The following CAMTA1 variants were observed in gnomAD, a reference collection of about 807,000 sequenced individuals.
CAMTA1 encodes calmodulin-binding transcription activator 1.
CAMTA1 carries 27 observed loss-of-function variants against 170.9 expected under a neutral mutation model. The ratio of observed to expected loss-of-function variants is 0.16; its 90% CI spans 0.12 to 0.22. The LOEUF (loss-of-function observed/expected upper bound fraction) is 0.22, where lower values mean the gene tolerates loss of function less well. CAMTA1 is among the 10% of genes least tolerant of loss of function. The pLI, the probability that CAMTA1 is intolerant of heterozygous loss-of-function variation, is 1.00. For synonymous variants in CAMTA1, 833 were observed against 891.5 expected, an observed-to-expected ratio of 0.93 and a Z score of 1.17; for missense variants, 1,619 against 2,217.2, an observed-to-expected ratio of 0.73 and a Z score of 5.42.
At chr1:6,909,163 A>G (rs1017530333) in intron 3 of CAMTA1, among the ~76,000 whole-genome samples, 2 of 152,200 alleles carry the variant, frequency 1.3e-5, no homozygotes, top group Non-Finnish European at 2.9e-5. Context: ...AACTCAATTT[A>G]TTTGTCTGCT....
chr1:7,021,737 A>T (rs1268181909), intron 3 of CAMTA1, among the ~76,000 whole-genome samples: 1 of 152,182 alleles, frequency 6.6e-6, no homozygotes, highest in Admixed American at 6.5e-5. Context: ...AGCTATATTT[A>T]AAATCCCCCA....
chr1:7,271,059 A>G (rs1433063365), intron 5 of CAMTA1, among the ~76,000 whole-genome samples: 1 of 152,126 alleles, frequency 6.6e-6, no homozygotes. Context: ...TATCCCCCCA[A>G]TTTTTACATG....
At chr1:7,745,317 A>G (rs2096849421) in intron 17 of CAMTA1, among the ~76,000 whole-genome samples, 1 of 152,196 alleles carries the variant, frequency 6.6e-6, no homozygotes. Flanking sequence ...ACCTGAGGTC[A>G]GGAGTTTGAG....
intron 6 of CAMTA1, among the ~76,000 whole-genome samples, chr1:7,550,929 C>G (rs1457231728): frequency 6.6e-6 from 1 of 152,172 alleles, no homozygotes; most frequent in South Asian, 2.1e-4. Flanking sequence ...TCTCTGCCCC[C>G]TCCCCACGAG....
At chr1:7,752,370 A>C (rs2096903392) in intron 20 of CAMTA1, 89 bp from the exon 21 acceptor site, 16 of 1,102,698 alleles carry the variant, frequency 1.5e-5, no homozygotes, top group Non-Finnish European at 2.2e-5. Context: ...CGAACTGCTT[A>C]ATTCAGAGTC....
intron 10 of CAMTA1, among the ~76,000 whole-genome samples, chr1:7,672,960 G>GGGTGGCAGCCAGGCCGGGTC (rs1553243754): frequency 6.6e-6 from 1 of 152,210 alleles, no homozygotes; most frequent in Non-Finnish European, 1.5e-5. Flanking sequence ...CAGCCAGCCG[G>GGGTGGCAGCCAGGCCGGGTC]GGTGGCAGCC....
Position 7,732,763 on chromosome 1 carries a change from A to G in CAMTA1, c.3066+164A>G, listed in dbSNP as rs577682007. ...CGGTACCTGTGCTTTTAAGCATTAT[A>G]ATCTGTGCAGTATGGAAGAAGCCTT... On this transcript the variant is annotated intron_variant, in intron 12 of 22. Coordinates refer to ENST00000303635, the MANE Select transcript of CAMTA1 (RefSeq NM_015215.4). This position sits in a 1 kb window ranked among gnomAD's most constrained non-coding sequence, Gnocchi z 4.1. 3.9e-5 allele frequency among the ~76,000 whole-genome samples: 6 copies of G among 152,286 alleles called. No homozygotes were observed. The highest frequency in any genetic ancestry group is 4.4e-5 in the Non-Finnish European group (3 of 68,022).
At position 6,910,774 on chromosome 1, in the gene CAMTA1, T is replaced by C. The variant is rs867852931; in HGVS notation, c.234+85564T>C. Among the ~76,000 whole-genome samples, 6 of 152,342 alleles carry C rather than the reference T, an allele frequency of 3.9e-5. No homozygotes were observed. The South Asian group carries it at 1.2e-3, about 32-fold the overall frequency. On this transcript the variant is annotated intron_variant, in intron 3 of 22. Coordinates refer to ENST00000303635, the MANE Select transcript of CAMTA1 (RefSeq NM_015215.4). ...GGAGGTGTGCTTGCCTGTCACCTAC[T>C]GGGGCTATATGTGGGAACCCAAGGT... is the stretch of plus-strand genomic sequence containing the variant.
intron 16 of CAMTA1, among the ~76,000 whole-genome samples, chr1:7,742,914 C>T (rs1423502800): frequency 6.6e-6 from 1 of 152,170 alleles, no homozygotes; most frequent in Non-Finnish European, 1.5e-5. Flanking sequence ...CTGCAACTTC[C>T]ATCTCCTGGG....
At position 7,596,576 on chromosome 1, in the gene CAMTA1, C is replaced by T. The variant is rs539926341; in HGVS notation, c.511-43824C>T. Among the ~76,000 whole-genome samples, 4 of 152,314 alleles carry T rather than the reference C, an allele frequency of 2.6e-5. No individual in the cohort carries two copies. The South Asian group carries it at 8.3e-4, about 32-fold the overall frequency. ...CTCAGGGCCATGCACAAGGCCTGCT[C>T]CCACCCAGGCTGACAGGTGCCTGCT... On this transcript the variant is annotated intron_variant, in intron 6 of 22. Coordinates refer to ENST00000303635, the MANE Select transcript of CAMTA1 (RefSeq NM_015215.4).
chr1:7,116,581 A>G (rs967177034), intron 4 of CAMTA1, among the ~76,000 whole-genome samples: 8 of 151,984 alleles, frequency 5.3e-5, no homozygotes, highest in Non-Finnish European at 1.0e-4. Context: ...ACCCACTTTA[A>G]TTTCATAGCA....
rs1354749436 is a variant in CAMTA1 at position 7,661,911 on chromosome 1, G to A, written c.805+45G>A. On this transcript the variant is annotated intron_variant, in intron 8 of 22. Transcript: ENST00000303635. ...GCAGGCGGGCGCCACGGGGACAGAG[G>A]GGCCCTACCAGGCAGCCGTCATGGC... 5 of 1,559,188 alleles carry A rather than the reference G, an allele frequency of 3.2e-6. No individual in the cohort carries two copies. In the South Asian group the frequency reaches 5.9e-5, roughly 18 times the overall value.
At chr1:7,708,149 G>A (rs1240783473) in intron 11 of CAMTA1, among the ~76,000 whole-genome samples, 2 of 150,936 alleles carry the variant, frequency 1.3e-5, no homozygotes, top group East Asian at 2.0e-4. Flanking sequence ...TGGGCAACAT[G>A]GAGAAACCCC....
chr1:7,525,000 C>T (rs1227780587), intron 6 of CAMTA1, among the ~76,000 whole-genome samples: 1 of 152,134 alleles, frequency 6.6e-6, no homozygotes, highest in East Asian at 1.9e-4. Context: ...AGGCCTGCAC[C>T]CTGTGGTACA....
At position 6,913,339 on chromosome 1, in the gene CAMTA1, G is replaced by A. The variant is rs150087187; in HGVS notation, c.234+88129G>A. Reference sequence around the variant, plus strand: ...ATGGCCAGACTGTTTCCATCAGGACGGTCAGAGCTCTGCTGAGGAGCCTGC... The same window carrying A: ...ATGGCCAGACTGTTTCCATCAGGACAGTCAGAGCTCTGCTGAGGAGCCTGC... On this transcript the variant is annotated intron_variant, in intron 3 of 22. Transcript: ENST00000303635. Among the ~76,000 whole-genome samples, 168 of 152,232 alleles carry A rather than the reference G, an allele frequency of 1.1e-3. 1 individual carries two copies. The highest frequency in any genetic ancestry group is 3.7e-3 in the African/African-American group (154 of 41,554).
intron 5 of CAMTA1, among the ~76,000 whole-genome samples, chr1:7,344,905 C>T (rs537295048): frequency 3.1e-4 from 31 of 98,494 alleles, no homozygotes; most frequent in African/African-American, 1.0e-3. Flanking sequence ...TGCCACCATG[C>T]CCGCCTAATT....
intron 6 of CAMTA1, among the ~76,000 whole-genome samples, chr1:7,488,993 AC>A (rs1337133926): frequency 6.6e-6 from 1 of 152,104 alleles, no homozygotes; most frequent in Non-Finnish European, 1.5e-5. Context: ...ACACGCTGCC[AC>A]CCCCAGCGCC....
At chr1:6,908,749 G>A (rs1381997333) in intron 3 of CAMTA1, among the ~76,000 whole-genome samples, 1 of 152,240 alleles carries the variant, frequency 6.6e-6, no homozygotes, top group Non-Finnish European at 1.5e-5. Context: ...CCCAGAGCTA[G>A]GTAGGAGTCT....
chr1:7,140,934 G>A (rs1645853691), intron 4 of CAMTA1, among the ~76,000 whole-genome samples: 1 of 152,100 alleles, frequency 6.6e-6, no homozygotes, highest in South Asian at 2.1e-4. Flanking sequence ...CCTTAAAGTT[G>A]AACCATCCCC....
Sources: allele counts gnomAD v4.1 joint callset (sites outside exome capture counted in the v4.1 genomes callset), GRCh38; gene constraint gnomAD v4.1.1; non-coding constraint Gnocchi (gnomAD v3.1); transcripts MANE v1.5; gene names NCBI Gene and HGNC (gene_info 2026-07-23, HGNC 2026-07-21).